The following PTGER3 variants were observed in gnomAD, a reference collection of about 807,000 sequenced individuals.
PTGER3 encodes prostaglandin E receptor 3.
PTGER3 carries 22 observed loss-of-function variants against 34.7 expected under a neutral mutation model. The ratio of observed to expected loss-of-function variants is 0.63; its 90% confidence interval spans 0.45 to 0.91. The LOEUF is 0.91. Among genes scored for constraint, PTGER3 ranks in the 40% least tolerant of loss-of-function variants. The pLI is 0.00. For synonymous variants in PTGER3, 241 were observed against 230.1 expected (o/e 1.05, Z -0.43); for missense variants, 468 against 519.4 (o/e 0.90, Z 0.96).
intron 2 of PTGER3, chr1:71,011,300 A>G (rs188259703): frequency 3.1e-4 from 304 of 985,094 alleles, no homozygotes; most frequent in Middle Eastern, 1.6e-3. Flanking sequence ...CAAAATATGG[A>G]AAGTATTCAT....
At position 71,047,640 on chromosome 1, in the gene PTGER3, G is replaced by A; in HGVS notation, c.-63C>T. The A allele has an allele frequency of 6.9e-7, 1 of 1,450,830 alleles. No homozygotes were observed. The highest frequency in any genetic ancestry group is 9.1e-7 in the Non-Finnish European group (1 of 1,098,036). The allele number at this position is 1,450,830 out of a possible 1,614,324, so 89.9% of individuals were successfully genotyped here. A position where few individuals can be genotyped will look rare whatever the true frequency, so the allele number is the denominator to read the frequency against. On this transcript the variant is annotated 5_prime_UTR_variant, in exon 1 of 4. Transcript: ENST00000306666. ...GCCGCAGCGGGAGGGGGCAGACGCG[G>A]CGCGGGCGGCGGCGGAGGTCGGCGT...
chr1:70,940,097 G>T (rs561895937), intron 4 of PTGER3, among the ~76,000 whole-genome samples: 2 of 152,218 alleles, frequency 1.3e-5, no homozygotes, highest in South Asian at 4.1e-4. Context: ...TCTTCTGCCA[G>T]ATACCCTAAG....
chr1:70,913,345 G>T (rs1191860388), intron 4 of PTGER3, among the ~76,000 whole-genome samples: 1 of 151,932 alleles, frequency 6.6e-6, no homozygotes. Context: ...TTTTAACCAT[G>T]TATTCTACAG....
chr1:70,905,451 C>T (rs1646925411), intron 4 of PTGER3, among the ~76,000 whole-genome samples: 1 of 152,202 alleles, frequency 6.6e-6, no homozygotes, highest in African/African-American at 2.4e-5. Flanking sequence ...GGGAGGGAGG[C>T]TGTACCCTGC....
chr1:71,040,961 A>T lies in PTGER3; in HGVS notation c.897+5720T>A, dbSNP rs181169245. On this transcript the variant is annotated intron_variant, in intron 1 of 3. Transcript: ENST00000306666. Reference sequence around the variant, plus strand: ...CTGAGGGGTAAAGTGGCAATGAAAAATGGAGAAAGAAGTGCTCTGTGTAAA... The same window carrying T: ...CTGAGGGGTAAAGTGGCAATGAAAATTGGAGAAAGAAGTGCTCTGTGTAAA... Among the ~76,000 whole-genome samples the T allele has an allele frequency of 1.7e-3, 253 of 152,266 alleles. 1 individual carries two copies. The highest frequency in any genetic ancestry group is 1.7e-3 in the Non-Finnish European group (114 of 68,026).
At chr1:70,976,817 A>G (rs1193795024) in intron 2 of PTGER3, among the ~76,000 whole-genome samples, 1 of 152,152 alleles carries the variant, frequency 6.6e-6, no homozygotes, top group African/African-American at 2.4e-5. Flanking sequence ...AGCAGGTACT[A>G]ACGAGCCTCT....
intron 2 of PTGER3, among the ~76,000 whole-genome samples, chr1:70,959,688 T>C (rs2100622533): frequency 6.6e-6 from 1 of 152,262 alleles, no homozygotes; most frequent in Non-Finnish European, 1.5e-5. Context: ...ATCTATGTTT[T>C]ATAGATTTCT....
chr1:70,929,592 T>C (rs1572678179), intron 4 of PTGER3, among the ~76,000 whole-genome samples: 1 of 152,298 alleles, frequency 6.6e-6, no homozygotes, highest in Admixed American at 6.5e-5. Flanking sequence ...GCAGTGTTTA[T>C]ATTCATGAAC....
chr1:71,029,128 C>G (rs1659186659), intron 1 of PTGER3, among the ~76,000 whole-genome samples: 2 of 152,212 alleles, frequency 1.3e-5, no homozygotes, highest in South Asian at 4.1e-4. Context: ...ATGCAAAACT[C>G]TTAAAGCTAG....
chr1:70,900,981 C>T (rs1310687377), intron 4 of PTGER3, among the ~76,000 whole-genome samples: 1 of 152,172 alleles, frequency 6.6e-6, no homozygotes, highest in African/African-American at 2.4e-5. Context: ...GGGTATGGCC[C>T]AGAAATTATT....
intron 4 of PTGER3, among the ~76,000 whole-genome samples, chr1:70,854,292 T>TA (rs1318652860): frequency 3.3e-5 from 5 of 152,020 alleles, no homozygotes; most frequent in African/African-American, 9.7e-5. Flanking sequence ...ATAGCCTAGT[T>TA]AAAAAAATGG....
chr1:71,010,125 G>C (rs749442780), intron 2 of PTGER3: 10 of 984,908 alleles, frequency 1.0e-5, no homozygotes, highest in Non-Finnish European at 1.2e-5. Flanking sequence ...AAGAATAAGT[G>C]TCAGGTTTTT....
intron 3 of PTGER3, chr1:70,953,194 A>T (rs1354800755): frequency 8.0e-6 from 6 of 746,004 alleles, no homozygotes; most frequent in African/African-American, 1.8e-5. Context: ...GGCATTATAA[A>T]TAATCCAGAG....
intron 4 of PTGER3, among the ~76,000 whole-genome samples, chr1:70,892,218 C>T (rs954240459): frequency 6.6e-6 from 1 of 152,126 alleles, no homozygotes; most frequent in African/African-American, 2.4e-5. Flanking sequence ...TGAGCTGTTG[C>T]TTTGGGGCAT....
intron 3 of PTGER3, among the ~76,000 whole-genome samples, chr1:70,973,481 C>T (rs771096763): frequency 9.9e-5 from 15 of 152,050 alleles, no homozygotes; most frequent in Non-Finnish European, 1.9e-4. Context: ...TTCCCTCAAC[C>T]ATGAGGATAA....
chr1:71,039,033 A>T (rs1660062151), intron 1 of PTGER3, among the ~76,000 whole-genome samples: 2 of 152,204 alleles, frequency 1.3e-5, no homozygotes, highest in African/African-American at 4.8e-5. Context: ...GACTGGAAAG[A>T]GCTCACATGA....
intron 4 of PTGER3, among the ~76,000 whole-genome samples, chr1:70,920,382 C>CAGCT (rs1284194072): frequency 1.3e-5 from 2 of 152,160 alleles, no homozygotes; most frequent in African/African-American, 4.8e-5. Flanking sequence ...TTGTGTAACT[C>CAGCT]AGCTGTTCAG....
downstream of PTGER3, among the ~76,000 whole-genome samples, chr1:70,967,830 A>G (rs1652685142): frequency 2.0e-5 from 3 of 152,302 alleles, no homozygotes; most frequent in South Asian, 2.1e-4. Flanking sequence ...TTTAGATACT[A>G]AAAACACAGA....
chr1:70,993,281 C>T (rs989787489), intron 2 of PTGER3, among the ~76,000 whole-genome samples: 1 of 152,204 alleles, frequency 6.6e-6, no homozygotes, highest in Non-Finnish European at 1.5e-5. Context: ...GGGAAAACTT[C>T]TAGAGAGACA....
Sources: gnomAD v4.1 joint callset for allele counts (sites outside exome capture counted in the v4.1 genomes callset) on GRCh38, gnomAD v4.1.1 for gene constraint, MANE v1.5 for transcripts, NCBI Gene and HGNC (gene_info 2026-07-23, HGNC 2026-07-21) for gene names.